CTC1: variants seen among roughly 807,000 people sequenced by gnomAD.
CTC1 encodes the protein CST complex subunit CTC1.
In CTC1, 91 loss-of-function variants were observed where a neutral mutation model predicts 136.3. That is an observed-to-expected ratio of 0.67 (90% CI 0.56 to 0.79). CTC1 has a LOEUF of 0.79. Ranked by LOEUF, CTC1 falls within the 30% of genes least tolerant of loss-of-function variation. The pLI is 0.00. For missense variants in CTC1, 1,432 were observed against 1,498.1 expected (o/e 0.96, Z 0.73); for synonymous variants, 606 against 613.8 (o/e 0.99, Z 0.19).
At position 8,226,134 on chromosome 17, in the gene CTC1, G is replaced by T. The variant is rs1354485504; in HGVS notation, c.*2046C>A. On this transcript the variant is annotated 3_prime_UTR_variant, in exon 23 of 23. Transcript: ENST00000651323. ...GCTTGACTCTGCAGGAAATGTGGGT[G>T]CTATGAGTGCAGAACAGAAACTCTT... The T allele has an allele frequency of 6.6e-6, 1 of 152,198 alleles. No homozygotes were observed. The highest frequency in any genetic ancestry group is 1.5e-5 in the Non-Finnish European group (1 of 68,044). 9.4% of individuals were successfully genotyped at this position (152,198 alleles called of 1,614,324 possible).
Position 8,228,648 on chromosome 17 carries a change from G to C in CTC1, c.3388-19C>G. ...CTGAAGACTAGAAAGAGAAGGTCAA[G>C]GTTAACTGGCTCCTAAACCCTTTGC... On this transcript the variant is annotated intron_variant, in intron 21 of 22. Transcript: ENST00000651323. The C allele has an allele frequency of 6.2e-7, 1 of 1,613,806 alleles. No homozygotes were observed. Among genetic ancestry groups the C allele is most frequent in the Non-Finnish European group, 8.5e-7 (1 of 1,179,960 alleles).
At chr17:8,245,763 G>A (rs564344128) in intron 1 of CTC1, among the ~76,000 whole-genome samples, 2 of 152,100 alleles carry the variant, frequency 1.3e-5, no homozygotes, top group Admixed American at 6.5e-5. Context: ...GCAAAGACCC[G>A]TCTCTACAAA....
At chr17:8,230,273 G>A (rs1987099458) in intron 17 of CTC1, 21 bp downstream of exon 17, 1 of 1,599,138 alleles carries the variant, frequency 6.3e-7, no homozygotes, top group South Asian at 1.1e-5. Flanking sequence ...AGAGGAGGCA[G>A]GTGACACTAC....
chr17:8,241,772 G>A (rs1988237573), intron 2 of CTC1, among the ~76,000 whole-genome samples: 1 of 148,680 alleles, frequency 6.7e-6, no homozygotes, highest in South Asian at 2.1e-4. Flanking sequence ...AGAATTGCTT[G>A]AGCCCAGGAG....
Position 8,232,472 on chromosome 17 carries a change from C to G in CTC1, c.1949G>C (p.Cys650Ser). Residue 650 changes from cysteine (C) to serine (S), a missense_variant, in exon 12 of 23, where the codon TGC becomes TCC. Transcript: ENST00000651323. ...CTGAAACCTCTCTGCCCGCACCAGG[C>G]AGCCTAGAGGAAGAAAGTTTTCTGT... ...QPLSDPRLIG[C>S]LVRAERFQLI... 1.2e-6 allele frequency: 2 copies of G among 1,613,278 alleles called. No homozygotes were observed. Among genetic ancestry groups the G allele is most frequent in the South Asian group, 1.1e-5 (1 of 91,018 alleles).
rs1391514162 is a variant in CTC1 at position 8,232,968 on chromosome 17, C to A, written c.1883G>T (p.Gly628Val). The A allele has an allele frequency of 3.7e-6, 6 of 1,614,136 alleles. No homozygotes were observed. The Admixed American group carries it at 8.3e-5, about 22-fold the overall frequency. ...KGCLQLRDQSGSLPCLLLAKH... is the reference protein window; with the variant it reads ...KGCLQLRDQSVSLPCLLLAKH... ...GGCCAGGAGCAGGCAGGGCAGGGAA[C>A]CACTTTGGTCCCGAAGTTGCAGACA... Residue 628 changes from glycine (G) to valine (V), a missense_variant, in exon 11 of 23, where the codon GGT (glycine) becomes GTT (valine). Gly to Val is a moderately radical substitution (Grantham distance 109). Transcript: ENST00000651323.
At position 8,226,757 on chromosome 17, in the gene CTC1, C is replaced by G. The variant is rs1331828978; in HGVS notation, c.*1423G>C. 6.6e-6 allele frequency: 1 copy of G among 152,150 alleles called. No homozygotes were observed. Among genetic ancestry groups the G allele is most frequent in the African/African-American group, 2.4e-5 (1 of 41,430 alleles). The allele number at this position is 152,150 out of a possible 1,614,324, so 9.4% of individuals were successfully genotyped here. ...TCCCTTGACTGACAAACATCTGCCT[C>G]CATGAAAGCGCTTCAGGGAAAAAAA... On this transcript the variant is annotated 3_prime_UTR_variant, in exon 23 of 23. Transcript: ENST00000651323.
rs148208391 is a variant in CTC1 at position 8,243,242 on chromosome 17, G to A, written c.34-94C>T. 5.4e-4 allele frequency: 656 copies of A among 1,220,378 alleles called. 1 individual carries two copies. In the African/African-American group the frequency reaches 8.7e-3, roughly 16 times the overall value. The allele number at this position is 1,220,378 out of a possible 1,614,324, so 75.6% of individuals were successfully genotyped here. ...AGGACTAGAAAAAAATATCCGGGCC[G>A]GGTGCGGTGGCTCACGCCTGTAATC... On this transcript the variant is annotated intron_variant, in intron 1 of 22. Transcript: ENST00000651323.
At position 8,232,482 on chromosome 17, in the gene CTC1, G is replaced by C; in HGVS notation, c.1946-7C>G. The C allele has an allele frequency of 6.2e-7, 1 of 1,611,278 alleles. No individual in the cohort carries two copies. The highest frequency in any genetic ancestry group is 8.5e-7 in the Non-Finnish European group (1 of 1,178,320). Reference sequence around the variant, plus strand: ...TCTGCCCGCACCAGGCAGCCTAGAGGAAGAAAGTTTTCTGTTTTGACAAGA... The same window carrying C: ...TCTGCCCGCACCAGGCAGCCTAGAGCAAGAAAGTTTTCTGTTTTGACAAGA... On this transcript the variant is annotated splice_polypyrimidine_tract_variant and splice_region_variant and intron_variant, in intron 11 of 22. Transcript: ENST00000651323.
chr17:8,227,442 G>A lies in CTC1; in HGVS notation c.*738C>T, dbSNP rs546719943. 15 of 152,404 alleles carry A rather than the reference G, an allele frequency of 9.8e-5. No homozygotes were observed. Among genetic ancestry groups the A allele is most frequent in the African/African-American group, 3.6e-4 (15 of 41,536 alleles). The allele number at this position is 152,404 out of a possible 1,614,324, so 9.4% of individuals were successfully genotyped here. A position where few individuals can be genotyped will look rare whatever the true frequency, so the allele number is the denominator to read the frequency against. On this transcript the variant is annotated 3_prime_UTR_variant, in exon 23 of 23. Coordinates refer to ENST00000651323, the MANE Select transcript of CTC1 (RefSeq NM_025099.6). ...AACCTACAGGGCTAACCGTAGCCTG[G>A]GGCCCTATAGCACAGTCACCCAGAG...
chr17:8,238,114 C>T lies in CTC1; in HGVS notation c.564G>A (p.Val188=). 2 of 1,614,132 alleles carry T rather than the reference C, an allele frequency of 1.2e-6. No homozygotes were observed. Among genetic ancestry groups the T allele is most frequent in the Non-Finnish European group, 1.7e-6 (2 of 1,180,012 alleles). ...HLELWDAPVP[V]FPLTISPGPV... is the part of the protein sequence containing the mutation. ...GGCCAGGACTGATGGTCAAAGGAAA[C>T]ACTGGCACAGGGGCATCCCACAGCT... The change falls in exon 4 of 23, where the codon GTG becomes GTA. Residue 188 remains valine (V), a synonymous_variant. Transcript: ENST00000651323.
intron 4 of CTC1, 142 bp downstream of exon 4, chr17:8,237,889 A>G: frequency 1.5e-6 from 1 of 689,358 alleles, no homozygotes; most frequent in South Asian, 2.1e-5. Flanking sequence ...TTACCTTCTT[A>G]ATATTCAAAG....
chr17:8,231,775 TCAAAC>T lies in CTC1; in HGVS notation c.2421_2425del (p.Trp807Ter), dbSNP rs1440370506. The T allele has an allele frequency of 6.2e-7, 1 of 1,614,090 alleles. No homozygotes were observed. The highest frequency in any genetic ancestry group is 8.5e-7 in the Non-Finnish European group (1 of 1,180,012). ...GTACACCTGTCCCGGGTGCAAGAAC[TCAAAC>T]CAGCGGACTGAAGAGCCAAAGAAAA... On this transcript the variant is annotated stop_gained and frameshift_variant, in exon 14 of 23. Transcript: ENST00000651323. LOFTEE classifies it high-confidence loss of function.
chr17:8,242,879 C>T (rs949509841), intron 2 of CTC1, 106 bp downstream of exon 2: 10 of 1,005,792 alleles, frequency 9.9e-6, no homozygotes, highest in African/African-American at 1.7e-5. Flanking sequence ...CCTTGTCCTC[C>T]GCTCACTCTC....
Position 8,230,479 on chromosome 17 carries a change from A to T in CTC1, c.2759-11T>A, listed in dbSNP as rs1279692391. On this transcript the variant is annotated splice_polypyrimidine_tract_variant and intron_variant, in intron 16 of 22. Transcript: ENST00000651323. ...TGGCCCCCGTGTTCCCTATAGAAGG[A>T]AGGTGGGTGTTAGTAGGATCTGTGA... 12 of 1,613,678 alleles carry T rather than the reference A, an allele frequency of 7.4e-6. No individual in the cohort carries two copies. The highest frequency in any genetic ancestry group is 1.0e-5 in the Non-Finnish European group (12 of 1,179,764).
chr17:8,230,238 A>G, intron 17 of CTC1, 56 bp downstream of exon 17: 3 of 1,543,702 alleles, frequency 1.9e-6, no homozygotes, highest in Non-Finnish European at 1.8e-6. Flanking sequence ...AGGGGTGCAC[A>G]TTCCAGAGAG....
chr17:8,238,293 C>T, intron 3 of CTC1, 51 bp from the exon 4 acceptor site: 1 of 1,562,730 alleles, frequency 6.4e-7, no homozygotes, highest in Non-Finnish European at 8.7e-7. Flanking sequence ...ATCCTATCCA[C>T]CCACCTCCCC....
Position 8,235,269 on chromosome 17 carries a change from A to G in CTC1, c.1223T>C (p.Leu408Pro), listed in dbSNP as rs751514862. ...GVCLQLQDVH[L>P]LQSVGGGTRR... ...TGTCCCCCCTCCCACTGACTGGAGCAGGTGAACATCCTGGAGCTGGGGGAA... is the reference window on the plus strand; with the variant it reads ...TGTCCCCCCTCCCACTGACTGGAGCGGGTGAACATCCTGGAGCTGGGGGAA... The change falls in exon 8 of 23, where the codon CTG becomes CCG. Residue 408 changes from leucine to proline, a missense_variant. Transcript: ENST00000651323. 1 of 1,613,678 alleles carries G rather than the reference A, an allele frequency of 6.2e-7. No homozygotes were observed. The highest frequency in any genetic ancestry group is 1.7e-5 in the Admixed American group (1 of 60,020).
Position 8,238,173 on chromosome 17 carries a change from C to T in CTC1, c.505G>A (p.Ala169Thr), listed in dbSNP as rs757366100. The T allele has an allele frequency of 1.2e-6, 2 of 1,613,846 alleles. No individual in the cohort carries two copies. Among genetic ancestry groups the T allele is most frequent in the Non-Finnish European group, 1.7e-6 (2 of 1,179,878 alleles). The change falls in exon 4 of 23, where the codon GCC (alanine) becomes ACC (threonine). Residue 169 changes from alanine to threonine, a missense_variant. Coordinates refer to ENST00000651323, the MANE Select transcript of CTC1 (RefSeq NM_025099.6). ...CCTTCCCCTGAGGAATTCCACCTGG[C>T]AGGAGGGAGGTAACTCCAACGGGGG... ...LFPRWSYLPPARWNSSGEGHL... is the reference protein window; with the variant it reads ...LFPRWSYLPPTRWNSSGEGHL...
Sources: allele counts gnomAD v4.1 joint callset (sites outside exome capture counted in the v4.1 genomes callset), GRCh38; gene constraint gnomAD v4.1.1; transcripts MANE v1.5; gene names NCBI Gene and HGNC (gene_info 2026-07-23, HGNC 2026-07-21).